Variants in WIF1 observed in about 807,000 individuals in gnomAD.
The protein encoded by WIF1 is Wnt inhibitory factor 1.
A neutral mutation model predicts 53.5 loss-of-function variants in WIF1; 35 were observed. The ratio of observed to expected loss-of-function variants is 0.65; its 90% CI spans 0.50 to 0.87. The LOEUF is 0.87. Among genes scored for constraint, WIF1 ranks in the 40% least tolerant of loss-of-function variants. The pLI, the probability that WIF1 is intolerant of heterozygous loss-of-function variation, is 0.00. For synonymous variants in WIF1, 171 were observed against 170.4 expected, an observed-to-expected ratio of 1.00 and a Z score of -0.03; for missense variants, 467 against 476.8, an observed-to-expected ratio of 0.98 and a Z score of 0.19.
chr12:65,053,212 A>G (rs572903205), intron 9 of WIF1, among the ~76,000 whole-genome samples: 109 of 152,312 alleles, frequency 7.2e-4, no homozygotes, highest in African/African-American at 2.5e-3. Flanking sequence ...GCAATTTTCC[A>G]GAGGAGCGGC....
At chr12:65,110,191 G>T (rs939268558) in intron 2 of WIF1, among the ~76,000 whole-genome samples, 4 of 152,128 alleles carry the variant, frequency 2.6e-5, no homozygotes, top group Non-Finnish European at 5.9e-5. Flanking sequence ...TTTCCACAGT[G>T]TTTCTCCATC....
At chr12:65,057,095 G>A (rs2136608745) in intron 7 of WIF1, among the ~76,000 whole-genome samples, 1 of 152,288 alleles carries the variant, frequency 6.6e-6, no homozygotes, top group South Asian at 2.1e-4. Flanking sequence ...AGGAATGGGG[G>A]AATGGGAGGG....
intron 2 of WIF1, among the ~76,000 whole-genome samples, chr12:65,096,985 A>C (rs1325353867): frequency 6.6e-6 from 1 of 151,304 alleles, no homozygotes; most frequent in African/African-American, 2.4e-5. Flanking sequence ...CCTGTGTAAC[A>C]AACCTGCACG....
rs1229544840 is a variant in WIF1 at position 65,121,208 on chromosome 12, T to G, written c.-17A>C. 1 of 1,465,874 alleles carries G rather than the reference T, an allele frequency of 6.8e-7. No homozygotes were observed. Among genetic ancestry groups the G allele is most frequent in the Admixed American group, 2.4e-5 (1 of 40,820 alleles). 90.8% of individuals were successfully genotyped at this position (1,465,874 alleles called of 1,614,324 possible). A position where few individuals can be genotyped will look rare whatever the true frequency, so the allele number is the denominator to read the frequency against. ...CCGGGCCATGCTGCTCAGGACCTCCTCGCTGCCGGGAAAACTCCTCGTGCC... is the reference window on the plus strand; with the variant it reads ...CCGGGCCATGCTGCTCAGGACCTCCGCGCTGCCGGGAAAACTCCTCGTGCC... On this transcript the variant is annotated 5_prime_UTR_variant, in exon 1 of 10. Coordinates refer to ENST00000286574, the MANE Select transcript of WIF1 (RefSeq NM_007191.5).
At chr12:65,083,516 A>G (rs1003972973) in intron 2 of WIF1, among the ~76,000 whole-genome samples, 1 of 152,164 alleles carries the variant, frequency 6.6e-6, no homozygotes, top group Non-Finnish European at 1.5e-5. Context: ...CTCTCAGCTC[A>G]TAATCATATA....
At chr12:65,095,382 T>A (rs748538037) in intron 2 of WIF1, among the ~76,000 whole-genome samples, 5 of 152,208 alleles carry the variant, frequency 3.3e-5, no homozygotes, top group Non-Finnish European at 5.9e-5. Context: ...GAACTTTTCC[T>A]CTTGTAAATA....
intron 7 of WIF1, among the ~76,000 whole-genome samples, chr12:65,057,112 T>C (rs1370752485): frequency 6.6e-6 from 1 of 151,724 alleles, no homozygotes; most frequent in Non-Finnish European, 1.5e-5. Context: ...AGGGGTGAAA[T>C]GGAAGGAGGG....
intron 7 of WIF1, 94 bp downstream of exon 7, chr12:65,062,387 C>G (rs1882626165): frequency 2.8e-6 from 3 of 1,069,922 alleles, no homozygotes; most frequent in African/African-American, 3.2e-5. Flanking sequence ...TTCATTCTCT[C>G]TGGGCTTCCG....
rs572446676 is a variant in WIF1, at chr12:65,112,253, T to C, written c.288+8164A>G. On this transcript the variant is annotated intron_variant, in intron 2 of 9. Transcript: ENST00000286574. Reference sequence around the variant, plus strand: ...AGGTAGTGTAGAAGTTGAGAATAGATGCTAAGTCAATGTTTTCCAATTAAC... The same window carrying C: ...AGGTAGTGTAGAAGTTGAGAATAGACGCTAAGTCAATGTTTTCCAATTAAC... 3.2e-4 allele frequency among the ~76,000 whole-genome samples: 49 copies of C among 152,294 alleles called. 1 individual carries two copies. Among genetic ancestry groups the C allele is most frequent in the African/African-American group, 1.1e-3 (44 of 41,560 alleles).
At chr12:65,099,199 T>C (rs1883245420) in intron 2 of WIF1, among the ~76,000 whole-genome samples, 1 of 151,942 alleles carries the variant, frequency 6.6e-6, no homozygotes, top group South Asian at 2.1e-4. Context: ...GATGCACAAA[T>C]CTCTTTGGAG....
intron 2 of WIF1, among the ~76,000 whole-genome samples, chr12:65,100,824 T>A (rs1883271601): frequency 6.6e-6 from 1 of 151,962 alleles, no homozygotes. Context: ...AGTTCAAGAC[T>A]AGCCTGGGCA....
chr12:65,112,450 A>ACACACACACACACC (rs1465604431), intron 2 of WIF1, among the ~76,000 whole-genome samples: 2 of 148,234 alleles, frequency 1.3e-5, no homozygotes, highest in African/African-American at 5.1e-5. Flanking sequence ...ACACACACAC[A>ACACACACACACACC]CCATCCTGGA....
At chr12:65,062,892 G>C (rs1011803848) in intron 6 of WIF1, among the ~76,000 whole-genome samples, 3 of 151,982 alleles carry the variant, frequency 2.0e-5, no homozygotes, top group African/African-American at 7.3e-5. Context: ...AAAAGGAAAA[G>C]AATGGTATAA....
chr12:65,112,141 G>A (rs1883440875), intron 2 of WIF1, among the ~76,000 whole-genome samples: 1 of 152,100 alleles, frequency 6.6e-6, no homozygotes, highest in South Asian at 2.1e-4. Flanking sequence ...TCCATTTCCA[G>A]TGTTCAGCTT....
At chr12:65,113,000 G>A (rs1249851807) in intron 2 of WIF1, among the ~76,000 whole-genome samples, 1 of 152,122 alleles carries the variant, frequency 6.6e-6, no homozygotes, top group East Asian at 1.9e-4. Flanking sequence ...ATTAATATTT[G>A]TTTTCTAGAG....
intron 3 of WIF1, among the ~76,000 whole-genome samples, chr12:65,074,583 C>T (rs771782229): frequency 1.3e-5 from 2 of 151,662 alleles, no homozygotes; most frequent in South Asian, 2.1e-4. Context: ...TTTGGGAGGC[C>T]GAGGCAGGCA....
chr12:65,060,344 GAAT>G (rs1258796165), intron 7 of WIF1, among the ~76,000 whole-genome samples: 1 of 152,164 alleles, frequency 6.6e-6, no homozygotes, highest in Admixed American at 6.5e-5. Context: ...CCATAAAATG[GAAT>G]ATTATTTGGC....
chr12:65,114,268 G>C (rs1883477310), intron 2 of WIF1, among the ~76,000 whole-genome samples: 1 of 152,014 alleles, frequency 6.6e-6, no homozygotes, highest in Non-Finnish European at 1.5e-5. Context: ...AAACTTGAGA[G>C]TGCAAACTGT....
Position 65,051,177 on chromosome 12 carries a change from C to T in WIF1, c.*172G>A. The T allele has an allele frequency of 2.5e-6, 2 of 786,218 alleles. No homozygotes were observed. The highest frequency in any genetic ancestry group is 7.7e-5 in the Admixed American group (2 of 25,930). 48.7% of individuals were successfully genotyped at this position (786,218 alleles called of 1,614,324 possible). The stretch of plus-strand genomic sequence containing the variant: ...TCTATACCATCATGCTACAGACGTA[C>T]TTAGAAAACTTAAAAGGAAGAGTAA... On this transcript the variant is annotated 3_prime_UTR_variant, in exon 10 of 10. Transcript: ENST00000286574.
Sources: allele counts gnomAD v4.1 joint callset (sites outside exome capture counted in the v4.1 genomes callset), GRCh38; gene constraint gnomAD v4.1.1; transcripts MANE v1.5; gene names NCBI Gene and HGNC (gene_info 2026-07-23, HGNC 2026-07-21).